Variants in CAMTA1 observed in about 807,000 individuals in gnomAD.
CAMTA1 encodes calmodulin binding transcription activator 1, also known as calmodulin-binding transcription activator 1.
In CAMTA1, 27 loss-of-function variants were observed where a neutral mutation model predicts 170.9. That is an observed-to-expected ratio of 0.16 (90% CI 0.12 to 0.22). The LOEUF is 0.22. Among genes scored for constraint, CAMTA1 ranks in the 10% least tolerant of loss-of-function variants. The probability of loss-of-function intolerance (pLI) is 1.00; values close to 1 mark genes in which losing one functional copy is unlikely to be tolerated. For synonymous variants in CAMTA1, 833 were observed against 891.5 expected (o/e 0.93, Z 1.17); for missense variants, 1,619 against 2,217.2 (o/e 0.73, Z 5.42).
At chr1:7,124,431 C>G (rs566615903) in intron 4 of CAMTA1, among the ~76,000 whole-genome samples, 1 of 152,348 alleles carries the variant, frequency 6.6e-6, no homozygotes, top group Admixed American at 6.5e-5. Context: ...TGATGCTTTT[C>G]TCCACATTTG....
At chr1:7,594,463 G>A (rs948972724) in intron 6 of CAMTA1, among the ~76,000 whole-genome samples, 2 of 152,202 alleles carry the variant, frequency 1.3e-5, no homozygotes, top group Admixed American at 6.5e-5. Context: ...TATTCAAATC[G>A]CAGGGGATGC....
intron 10 of CAMTA1, among the ~76,000 whole-genome samples, chr1:7,671,517 G>A (rs558990508): frequency 1.3e-5 from 2 of 152,338 alleles, no homozygotes; most frequent in South Asian, 2.1e-4. Flanking sequence ...CCATCCTCCC[G>A]AGGGCCCTGG....
intron 5 of CAMTA1, among the ~76,000 whole-genome samples, chr1:7,365,866 C>G (rs2085923104): frequency 6.6e-6 from 1 of 152,206 alleles, no homozygotes; most frequent in East Asian, 1.9e-4. Flanking sequence ...GTGGAAAGCA[C>G]TCCTCCGGGC....
intron 3 of CAMTA1, among the ~76,000 whole-genome samples, chr1:7,012,508 C>T (rs1362814490): frequency 1.3e-5 from 2 of 152,110 alleles, no homozygotes; most frequent in Non-Finnish European, 2.9e-5. Context: ...CTCTCTAGAC[C>T]TCTCCCTCCT....
rs181226138 is a variant in CAMTA1, at chr1:6,823,786, G to A, written c.116-1306G>A. ...ATAGACTGTACTGAACAAAGCCGTA[G>A]TAAATAACTGGAAAAAGATATTGTT... On this transcript the variant is annotated intron_variant, in intron 2 of 22. Transcript: ENST00000303635. Among the ~76,000 whole-genome samples, 8 of 152,206 alleles carry A rather than the reference G, an allele frequency of 5.3e-5. No homozygotes were observed. In the East Asian group the frequency reaches 1.5e-3, roughly 29 times the overall value.
rs142566608 is a variant in CAMTA1 at position 7,638,947 on chromosome 1, C to T, written c.511-1453C>T. On this transcript the variant is annotated intron_variant, in intron 6 of 22. Transcript: ENST00000303635. ...CTTAATAAGATGTGATGAGAAGGCG[C>T]TGACTGTTAAATGGAACTGATTTGA... Among the ~76,000 whole-genome samples the T allele has an allele frequency of 2.5e-3, 384 of 152,218 alleles. 2 individuals carry two copies. Among genetic ancestry groups the T allele is most frequent in the African/African-American group, 8.9e-3 (368 of 41,522 alleles).
chr1:7,503,515 G>T (rs370746092), intron 6 of CAMTA1, among the ~76,000 whole-genome samples: 8 of 152,274 alleles, frequency 5.3e-5, no homozygotes, highest in African/African-American at 1.9e-4. Flanking sequence ...GGGAATGGTC[G>T]CTGCCCTCCC....
Position 7,619,382 on chromosome 1 carries a change from C to T in CAMTA1, c.511-21018C>T, listed in dbSNP as rs148532497. On this transcript the variant is annotated intron_variant, in intron 6 of 22. Transcript: ENST00000303635. The stretch of plus-strand genomic sequence containing the variant: ...CATCTTGAGTGCTGGCTTCGTGTGC[C>T]TCCTGGGAGCCAGGTGACTGCAGTC... Among the ~76,000 whole-genome samples the T allele has an allele frequency of 2.0e-5, 3 of 152,326 alleles. No homozygotes were observed. In the East Asian group the frequency reaches 5.8e-4, roughly 29 times the overall value.
chr1:7,090,172 ACT>A (rs1641292863), intron 3 of CAMTA1, among the ~76,000 whole-genome samples: 1 of 151,914 alleles, frequency 6.6e-6, no homozygotes, highest in South Asian at 2.1e-4. Flanking sequence ...TGGTGTTTGG[ACT>A]GCATGGCATC....
intron 16 of CAMTA1, among the ~76,000 whole-genome samples, chr1:7,741,322 G>C (rs2096812500): frequency 6.6e-6 from 1 of 152,122 alleles, no homozygotes; most frequent in Non-Finnish European, 1.5e-5. Context: ...CCAGCACTTT[G>C]GGAGGCCGAG....
intron 1 of CAMTA1, among the ~76,000 whole-genome samples, chr1:6,812,897 A>T (rs772611748): frequency 6.6e-6 from 1 of 152,052 alleles, no homozygotes; most frequent in African/African-American, 2.4e-5. Context: ...TTGCTTTTGA[A>T]CTCAATTCTA....
intron 4 of CAMTA1, among the ~76,000 whole-genome samples, chr1:7,228,436 ACT>A (rs765474069): frequency 6.6e-6 from 1 of 151,934 alleles, no homozygotes; most frequent in Non-Finnish European, 1.5e-5. Flanking sequence ...ATAGCTCCTG[ACT>A]CTCACTTCGT....
rs189510878 is a variant in CAMTA1 at position 7,481,892 on chromosome 1, G to A, written c.510+13991G>A. 3.8e-4 allele frequency among the ~76,000 whole-genome samples: 58 copies of A among 151,096 alleles called. 1 individual carries two copies. The highest frequency in any genetic ancestry group is 3.4e-3 in the Admixed American group (51 of 15,152). ...GTGCACTAGTTGATGAGTTTTGATCGATGCGTGCGTCAGTCATACCCTAAG... is the reference window on the plus strand; with the variant it reads ...GTGCACTAGTTGATGAGTTTTGATCAATGCGTGCGTCAGTCATACCCTAAG... On this transcript the variant is annotated intron_variant, in intron 6 of 22. Transcript: ENST00000303635.
chr1:7,062,107 G>A (rs528271858), intron 3 of CAMTA1, among the ~76,000 whole-genome samples: 20 of 152,082 alleles, frequency 1.3e-4, no homozygotes, highest in African/African-American at 4.3e-4. Context: ...TAGTAGAGAC[G>A]GGGTTTTGCC....
intron 4 of CAMTA1, among the ~76,000 whole-genome samples, chr1:7,098,187 C>T (rs921844550): frequency 1.1e-4 from 17 of 152,034 alleles, no homozygotes; most frequent in African/African-American, 3.6e-4. Context: ...GGCCAGAGTT[C>T]GGAAGGGCAG....
chr1:7,068,630 TAAAGTA>T (rs78156646), intron 3 of CAMTA1, among the ~76,000 whole-genome samples: 5,125 of 152,008 alleles, frequency 0.034, 126 homozygotes, highest in South Asian at 0.098. Flanking sequence ...TCTGGACAAA[TAAAGTA>T]AAAGGCACTT....
chr1:7,650,162 T>C (rs1400136871), intron 7 of CAMTA1, among the ~76,000 whole-genome samples: 1 of 152,228 alleles, frequency 6.6e-6, no homozygotes, highest in African/African-American at 2.4e-5. Flanking sequence ...CAGATAACCC[T>C]GAGGCTCTGA....
Position 7,751,330 on chromosome 1 carries a change from T to C in CAMTA1, c.4821T>C (p.Tyr1607=). The change falls in exon 20 of 23, where the codon TAT becomes TAC. Residue 1607 remains tyrosine, a synonymous_variant. Coordinates refer to ENST00000303635, the MANE Select transcript of CAMTA1 (RefSeq NM_015215.4). ...AVLIQKYYRS[Y]KKCGKRRQAR... ...TCATCCAAAAGTACTACCGAAGTTA[T>C]AAGAAATGTGGCAAAAGACGGCAGG... 6.2e-7 allele frequency: 1 copy of C among 1,611,508 alleles called. No individual in the cohort carries two copies. Among genetic ancestry groups the C allele is most frequent in the Admixed American group, 1.7e-5 (1 of 59,034 alleles).
At chr1:7,108,445 C>G (rs1326653215) in intron 4 of CAMTA1, among the ~76,000 whole-genome samples, 1 of 152,154 alleles carries the variant, frequency 6.6e-6, no homozygotes, top group Non-Finnish European at 1.5e-5. Context: ...GGGCTCTGTA[C>G]GCACACAGCC....
Sources: allele counts gnomAD v4.1 joint callset (sites outside exome capture counted in the v4.1 genomes callset), GRCh38; gene constraint gnomAD v4.1.1; transcripts MANE v1.5; gene names NCBI Gene and HGNC (gene_info 2026-07-23, HGNC 2026-07-21).